Variants in KIR2DL1 observed in about 807,000 individuals in gnomAD.
KIR2DL1 encodes killer cell immunoglobulin like receptor, two Ig domains and long cytoplasmic tail 1.
Under a neutral mutation model 33.9 loss-of-function variants are expected in KIR2DL1, and 38 were observed. The observed-to-expected ratio is 1.12, with a 90% CI of 0.86 to 1.47. The LOEUF is 1.47. Among genes scored for constraint, KIR2DL1 ranks in the 40% most tolerant of loss-of-function variants. The pLI is 0.00. For synonymous variants in KIR2DL1, 179 were observed against 165.9 expected, an observed-to-expected ratio of 1.08 and a Z score of -0.61; for missense variants, 531 against 433.9, an observed-to-expected ratio of 1.22 and a Z score of -1.99.
At chr19:54,777,225 G>C (rs1311624995) in intron 4 of KIR2DL1, among the ~76,000 whole-genome samples, 3 of 149,482 alleles carry the variant, frequency 2.0e-5, no homozygotes, top group African/African-American at 4.9e-5. Context: ...CGAGTAGCTG[G>C]AATTACAGGC....
intron 6 of KIR2DL1, 121 bp downstream of exon 6, chr19:54,783,144 G>T: frequency 8.4e-7 from 1 of 1,188,870 alleles, no homozygotes. Flanking sequence ...CAGCCACAGA[G>T]GCAGGACTTT....
chr19:54,781,666 G>A (rs753079380), intron 5 of KIR2DL1, among the ~76,000 whole-genome samples: 484 of 151,976 alleles, frequency 3.2e-3, no homozygotes, highest in African/African-American at 0.011. Flanking sequence ...CCAGCCTCTC[G>A]GGTAGAACAG....
intron 4 of KIR2DL1, among the ~76,000 whole-genome samples, chr19:54,777,060 T>G (rs2076435212): frequency 6.6e-6 from 1 of 151,922 alleles, no homozygotes; most frequent in Admixed American, 6.6e-5. Flanking sequence ...GCATTTCTTT[T>G]GCCTGTCTTG....
chr19:54,783,724 C>G lies in KIR2DL1; in HGVS notation c.958C>G (p.Gln320Glu), dbSNP rs879161244. The G allele has an allele frequency of 7.4e-6, 12 of 1,613,904 alleles. No individual in the cohort carries two copies. The highest frequency in any genetic ancestry group is 3.3e-4 in the Middle Eastern group (2 of 6,084). Reference sequence around the variant, plus strand: ...ACAGAGAAAAATCACTCGCCCTTCTCAGAGGCCCAAGACACCCCCAACAGA... The same window carrying G: ...ACAGAGAAAAATCACTCGCCCTTCTGAGAGGCCCAAGACACCCCCAACAGA... ...FTQRKITRPS[Q>E]RPKTPPTDII... Residue 320 changes from glutamine (Q) to glutamate (E), a missense_variant, in exon 8 of 8, where the codon CAG (glutamine) becomes GAG (glutamate). Coordinates refer to ENST00000336077, the MANE Select transcript of KIR2DL1 (RefSeq NM_014218.3).
In KIR2DL1 at chr19:54,775,033, G is replaced by A. The variant is rs540922861; in HGVS notation, c.371-132G>A. ...GAAGGAGGAAATAGACATGAAGAGCGATGGGGTAGAGGGTGAGAGAGAGAG... is the reference window on the plus strand; with the variant it reads ...GAAGGAGGAAATAGACATGAAGAGCAATGGGGTAGAGGGTGAGAGAGAGAG... On this transcript the variant is annotated intron_variant, in intron 3 of 7. Transcript: ENST00000336077. 155 of 1,257,688 alleles carry A rather than the reference G, an allele frequency of 1.2e-4. No individual in the cohort carries two copies. In the African/African-American group the frequency reaches 1.7e-3, roughly 14 times the overall value. The allele number at this position is 1,257,688 out of a possible 1,614,324, so 77.9% of individuals were successfully genotyped here. A position where few individuals can be genotyped will look rare whatever the true frequency, so the allele number is the denominator to read the frequency against.
chr19:54,769,818 C>T lies in KIR2DL1; in HGVS notation c.-33C>T, dbSNP rs544047457. On this transcript the variant is annotated 5_prime_UTR_variant, in exon 1 of 8. Transcript: ENST00000336077. ...ATCCTGTGCGCTGCTGAGCTGAGCT[C>T]GGTCGCGGCTGCCTGTCTGCTCCGG... 4 of 1,369,792 alleles carry T rather than the reference C, an allele frequency of 2.9e-6. 1 individual carries two copies. Among genetic ancestry groups the T allele is most frequent in the South Asian group, 1.2e-5 (1 of 80,006 alleles). 84.9% of individuals were successfully genotyped at this position (1,369,792 alleles called of 1,614,324 possible).
At chr19:54,778,977 T>A (rs963583440) in intron 5 of KIR2DL1, among the ~76,000 whole-genome samples, 37 of 146,718 alleles carry the variant, frequency 2.5e-4, no homozygotes, top group African/African-American at 8.5e-4. Context: ...TCCTGGAGAC[T>A]TGAGAGAGGG....
At chr19:54,776,634 C>CTTTT (rs113294942) in intron 4 of KIR2DL1, among the ~76,000 whole-genome samples, 1 of 128,314 alleles carries the variant, frequency 7.8e-6, no homozygotes. Flanking sequence ...TGAAAGTTCT[C>CTTTT]TTTTTTTTTT....
Position 54,770,145 on chromosome 19 carries a change from T to C in KIR2DL1, c.34+261T>C, listed in dbSNP as rs867327503. On this transcript the variant is annotated intron_variant, in intron 1 of 7. Transcript: ENST00000336077. ...TGGAGATAGGAACCTGGAGGGGAGA[T>C]AGGAACCTGGAGGGGAGATATGGGC... Among the ~76,000 whole-genome samples, 6 of 137,908 alleles carry C rather than the reference T, an allele frequency of 4.4e-5. 2 individuals are homozygous for C. The highest frequency in any genetic ancestry group is 7.9e-5 in the Non-Finnish European group (5 of 63,068). 90.5% of individuals were successfully genotyped at this position (137,908 alleles called of 152,430 possible). A position where few individuals can be genotyped will look rare whatever the true frequency, so the allele number is the denominator to read the frequency against.
intron 5 of KIR2DL1, among the ~76,000 whole-genome samples, chr19:54,779,634 C>G (rs1743317): frequency 1.4e-5 from 2 of 140,716 alleles, no homozygotes; most frequent in African/African-American, 5.2e-5. Flanking sequence ...AGCTGATTAG[C>G]AACCATAATT....
chr19:54,781,992 G>C (rs1442887884), intron 5 of KIR2DL1, among the ~76,000 whole-genome samples: 3 of 152,088 alleles, frequency 2.0e-5, no homozygotes, highest in Non-Finnish European at 1.5e-5. Flanking sequence ...AGAACACACA[G>C]AGAATACGTT....
chr19:54,774,013 T>C (rs969966193), intron 3 of KIR2DL1, among the ~76,000 whole-genome samples: 2 of 148,742 alleles, frequency 1.3e-5, no homozygotes, highest in African/African-American at 4.9e-5. Flanking sequence ...AGGACACCCA[T>C]ATTTCTGACC....
At position 54,775,254 on chromosome 19, in the gene KIR2DL1, T is replaced by G. The variant is rs754789231; in HGVS notation, c.460T>G (p.Ser154Ala). ...NVTLSCSSRSSYDMYHLSREG... is the reference protein window; with the variant it reads ...NVTLSCSSRSAYDMYHLSREG... Reference sequence around the variant, plus strand: ...GACCTTGTCCTGCAGCTCCCGGAGCTCCTATGACATGTACCATCTATCCAG... The same window carrying G: ...GACCTTGTCCTGCAGCTCCCGGAGCGCCTATGACATGTACCATCTATCCAG... The change falls in exon 4 of 8, where the codon TCC becomes GCC. Residue 154 changes from serine (S) to alanine (A), a missense_variant. Physicochemically the swap from Ser to Ala is moderately conservative, Grantham distance 99. Coordinates refer to ENST00000336077, the MANE Select transcript of KIR2DL1 (RefSeq NM_014218.3). The G allele has an allele frequency of 3.7e-6, 6 of 1,603,054 alleles. No homozygotes were observed. The highest frequency in any genetic ancestry group is 1.1e-5 in the South Asian group (1 of 90,244).
At chr19:54,773,302 C>T (rs1465284894) in intron 2 of KIR2DL1, 31 bp from the exon 3 acceptor site, 7 of 1,565,556 alleles carry the variant, frequency 4.5e-6, no homozygotes, top group East Asian at 2.3e-5. Context: ...TAAAGAGAGA[C>T]ACCTTCTAAA....
intron 5 of KIR2DL1, among the ~76,000 whole-genome samples, chr19:54,780,572 T>G (rs1470243280): frequency 0.031 from 3,747 of 122,128 alleles, 65 homozygotes; most frequent in African/African-American, 0.079. Context: ...TTAATATGAC[T>G]GACATGAAAA....
At chr19:54,776,224 CATAA>C (rs961601384) in intron 4 of KIR2DL1, among the ~76,000 whole-genome samples, 3 of 144,462 alleles carry the variant, frequency 2.1e-5, no homozygotes, top group South Asian at 2.2e-4. Flanking sequence ...GTCTAGTGGT[CATAA>C]ATACATTTTT....
At position 54,770,764 on chromosome 19, in the gene KIR2DL1, T is replaced by C. The variant is rs2075614676; in HGVS notation, c.35-85T>C. On this transcript the variant is annotated intron_variant, in intron 1 of 7. Coordinates refer to ENST00000336077, the MANE Select transcript of KIR2DL1 (RefSeq NM_014218.3). ...ACCTTCAGCCCAGGAAGGGCCTGGC[T>C]ACCAAGACTCACAGCCCAGTGGGGG... 3.9e-6 allele frequency: 6 copies of C among 1,528,762 alleles called. 1 individual carries two copies. Among genetic ancestry groups the C allele is most frequent in the Non-Finnish European group, 5.4e-6 (6 of 1,107,064 alleles). 94.7% of individuals were successfully genotyped at this position (1,528,762 alleles called of 1,614,324 possible). A position where few individuals can be genotyped will look rare whatever the true frequency, so the allele number is the denominator to read the frequency against.
At position 54,772,104 on chromosome 19, in the gene KIR2DL1, G is replaced by C. The variant is rs1023738900; in HGVS notation, c.70+1220G>C. 2.0e-4 allele frequency among the ~76,000 whole-genome samples: 30 copies of C among 148,200 alleles called. 2 individuals carry two copies. Among genetic ancestry groups the C allele is most frequent in the African/African-American group, 7.4e-4 (30 of 40,562 alleles). ...ATCCCTGGAGTCTGTGACTATTTAT[G>C]ATATAGGGGAAGGGACTGAAGGAGA... is the stretch of plus-strand genomic sequence containing the variant. On this transcript the variant is annotated intron_variant, in intron 2 of 7. Coordinates refer to ENST00000336077, the MANE Select transcript of KIR2DL1 (RefSeq NM_014218.3).
intron 7 of KIR2DL1, 44 bp from the exon 8 acceptor site, chr19:54,783,593 A>G (rs1442262860): frequency 3.1e-6 from 5 of 1,613,876 alleles, no homozygotes; most frequent in African/African-American, 2.7e-5. Flanking sequence ...AGAGTCCTGG[A>G]AAATGTGAGC....
Sources: gnomAD v4.1 joint callset for allele counts (sites outside exome capture counted in the v4.1 genomes callset) on GRCh38, gnomAD v4.1.1 for gene constraint, MANE v1.5 for transcripts, NCBI Gene and HGNC (gene_info 2026-07-23, HGNC 2026-07-21) for gene names.